Variants in SLC35F1 observed in about 807,000 individuals in gnomAD.
The protein encoded by SLC35F1 is solute carrier family 35 member F1.
In SLC35F1, 14 loss-of-function variants were observed where a neutral mutation model predicts 48.7. The ratio of observed to expected loss-of-function variants is 0.29; its 90% CI spans 0.19 to 0.45. The LOEUF (loss-of-function observed/expected upper bound fraction) is 0.45. Among genes scored for constraint, SLC35F1 ranks in the 20% least tolerant of loss-of-function variants. The probability of loss-of-function intolerance (pLI) is 1.00; values close to 1 mark genes in which losing one functional copy is unlikely to be tolerated. For synonymous variants in SLC35F1, 190 were observed against 202.2 expected, an observed-to-expected ratio of 0.94 and a Z score of 0.51; for missense variants, 404 against 500.0, an observed-to-expected ratio of 0.81 and a Z score of 1.83.
At chr6:118,060,723 G>A (rs991390748) in intron 1 of SLC35F1, among the ~76,000 whole-genome samples, 1 of 152,176 alleles carries the variant, frequency 6.6e-6, no homozygotes, top group Non-Finnish European at 1.5e-5. Context: ...ATTTTTGTCA[G>A]CCTGAATGGA....
chr6:118,121,776 A>G (rs921193263), intron 1 of SLC35F1, among the ~76,000 whole-genome samples: 1 of 152,046 alleles, frequency 6.6e-6, no homozygotes, highest in African/African-American at 2.4e-5. Flanking sequence ...TGAGAGGAAG[A>G]CTCTCAGAGA....
chr6:117,940,623 G>A (rs1333718636), intron 1 of SLC35F1, among the ~76,000 whole-genome samples: 1 of 152,044 alleles, frequency 6.6e-6, no homozygotes, highest in Non-Finnish European at 1.5e-5. Context: ...GAATGGAGAA[G>A]ATGTGCTTTT....
intron 1 of SLC35F1, among the ~76,000 whole-genome samples, chr6:117,974,216 C>T (rs771938292): frequency 6.6e-6 from 1 of 152,148 alleles, no homozygotes; most frequent in Non-Finnish European, 1.5e-5. Flanking sequence ...CAAGGTCTAG[C>T]ACTTAGCATA....
At chr6:118,006,215 A>C (rs1197113951) in intron 1 of SLC35F1, among the ~76,000 whole-genome samples, 2 of 152,196 alleles carry the variant, frequency 1.3e-5, no homozygotes, top group African/African-American at 4.8e-5. Flanking sequence ...ATCCTCAAAA[A>C]GACATGCCTT....
At chr6:118,192,157 T>C (rs1582721579) in intron 2 of SLC35F1, among the ~76,000 whole-genome samples, 1 of 152,174 alleles carries the variant, frequency 6.6e-6, no homozygotes, top group East Asian at 1.9e-4. Context: ...CCATAGGTAA[T>C]TTGACTTAGA....
At chr6:118,087,750 G>A (rs1008993266) in intron 1 of SLC35F1, among the ~76,000 whole-genome samples, 31 of 152,066 alleles carry the variant, frequency 2.0e-4, no homozygotes, top group African/African-American at 6.8e-4. Context: ...TGTTTTCCTG[G>A]TCTGTGCTGC....
rs534576313 is a variant in SLC35F1 at position 118,020,748 on chromosome 6, T to C, written c.173+112849T>C. ...TAGCATCATGTCTCTGATTTAAGGT[T>C]CAGGGAGTTGAAGAGTTGGGCTTGA... On this transcript the variant is annotated intron_variant, in intron 1 of 7. Coordinates refer to ENST00000360388, the MANE Select transcript of SLC35F1 (RefSeq NM_001029858.4). 2.0e-5 allele frequency among the ~76,000 whole-genome samples: 3 copies of C among 152,314 alleles called. No homozygotes were observed. The South Asian group carries it at 6.2e-4, about 32-fold the overall frequency.
intron 2 of SLC35F1, among the ~76,000 whole-genome samples, chr6:118,166,538 A>G (rs916372535): frequency 1.3e-5 from 2 of 152,250 alleles, no homozygotes; most frequent in Non-Finnish European, 2.9e-5. Flanking sequence ...TTAGGCTAAA[A>G]GAAACTAAGT....
chr6:118,148,935 A>G (rs1332961008), intron 1 of SLC35F1, among the ~76,000 whole-genome samples: 1 of 152,208 alleles, frequency 6.6e-6, no homozygotes, highest in African/African-American at 2.4e-5. Context: ...TTTTCAAGGT[A>G]AGATAAGCAA....
intron 1 of SLC35F1, among the ~76,000 whole-genome samples, chr6:117,955,300 T>C (rs1362767413): frequency 6.6e-6 from 1 of 152,234 alleles, no homozygotes; most frequent in African/African-American, 2.4e-5. Context: ...GCATTTTTAA[T>C]ACTTATTTAC....
chr6:118,094,357 A>G (rs764438715), intron 1 of SLC35F1, among the ~76,000 whole-genome samples: 68 of 152,136 alleles, frequency 4.5e-4, no homozygotes, highest in Non-Finnish European at 6.9e-4. Context: ...AGCCCACAAA[A>G]TTGCTTCCAT....
chr6:118,271,818 G>A (rs1371822108), intron 4 of SLC35F1, among the ~76,000 whole-genome samples: 1 of 152,146 alleles, frequency 6.6e-6, no homozygotes, highest in Admixed American at 6.6e-5. Context: ...AGGTGCTTCA[G>A]GAAATAATTT....
chr6:117,941,466 C>T (rs1188173661), intron 1 of SLC35F1, among the ~76,000 whole-genome samples: 1 of 152,118 alleles, frequency 6.6e-6, no homozygotes, highest in Non-Finnish European at 1.5e-5. Flanking sequence ...GAAGCCAAAG[C>T]CATTCAGTAA....
chr6:118,093,262 G>A (rs1225378443), intron 1 of SLC35F1, among the ~76,000 whole-genome samples: 1 of 152,114 alleles, frequency 6.6e-6, no homozygotes, highest in Non-Finnish European at 1.5e-5. Context: ...CTTGCAGTGA[G>A]TGGAGATTGC....
intron 1 of SLC35F1, among the ~76,000 whole-genome samples, chr6:118,013,438 G>C (rs1777278115): frequency 6.6e-6 from 1 of 152,132 alleles, no homozygotes; most frequent in South Asian, 2.1e-4. Context: ...CTTACTCTTA[G>C]TAAAGAGAAA....
At chr6:118,037,139 T>A (rs1772145733) in intron 1 of SLC35F1, among the ~76,000 whole-genome samples, 1 of 152,228 alleles carries the variant, frequency 6.6e-6, no homozygotes, top group South Asian at 2.1e-4. Context: ...TAAAATTAAG[T>A]TTTGTATCTT....
chr6:118,233,621 A>C lies in SLC35F1; in HGVS notation c.350-1888A>C, dbSNP rs561284639. 2.1e-4 allele frequency among the ~76,000 whole-genome samples: 32 copies of C among 152,278 alleles called. No individual in the cohort carries two copies. In the Middle Eastern group the frequency reaches 0.02, roughly 97 times the overall value. ...TATGTCAGTATGCTAGAGGCTATGG[A>C]TAAGTATATGAGTAAGACATTAACT... On this transcript the variant is annotated intron_variant, in intron 2 of 7. Transcript: ENST00000360388.
At chr6:118,177,869 T>C (rs1041400613) in intron 2 of SLC35F1, among the ~76,000 whole-genome samples, 1 of 152,098 alleles carries the variant, frequency 6.6e-6, no homozygotes, top group South Asian at 2.1e-4. Flanking sequence ...GTAGTGGTCA[T>C]GTAGAACACG....
intron 2 of SLC35F1, among the ~76,000 whole-genome samples, chr6:118,196,879 A>G (rs1034982819): frequency 1.1e-4 from 16 of 152,152 alleles, no homozygotes; most frequent in Admixed American, 5.9e-4. Context: ...ATAGCCTAAC[A>G]TAAGGGTCCC....
Sources: allele counts gnomAD v4.1 joint callset (sites outside exome capture counted in the v4.1 genomes callset), GRCh38; gene constraint gnomAD v4.1.1; transcripts MANE v1.5; gene names NCBI Gene and HGNC (gene_info 2026-07-23, HGNC 2026-07-21).